Variants in BRINP2 observed in about 807,000 individuals in gnomAD.
BRINP2 encodes BMP/retinoic acid-inducible neural-specific protein 2.
BRINP2 carries 21 observed loss-of-function variants against 69.2 expected under a neutral mutation model. The ratio of observed to expected loss-of-function variants is 0.30; its 90% CI spans 0.22 to 0.44. The LOEUF (loss-of-function observed/expected upper bound fraction) is 0.44. Among genes scored for constraint, BRINP2 ranks in the 20% least tolerant of loss-of-function variants. The pLI, the probability that BRINP2 is intolerant of heterozygous loss-of-function variation, is 1.00. For missense variants in BRINP2, 877 were observed against 986.0 expected (o/e 0.89, Z 1.48); for synonymous variants, 380 against 394.1 (o/e 0.96, Z 0.42).
intron 4 of BRINP2, among the ~76,000 whole-genome samples, 188 bp from the exon 5 acceptor site, chr1:177,273,300 A>C (rs1436914232): frequency 6.6e-6 from 1 of 152,208 alleles, no homozygotes; most frequent in East Asian, 1.9e-4. Flanking sequence ...TATATGTAAC[A>C]GATACTCACT....
chr1:177,174,931 C>T lies in BRINP2; in HGVS notation c.-77+3199C>T, dbSNP rs921616807. Among the ~76,000 whole-genome samples, 27 of 152,164 alleles carry T rather than the reference C, an allele frequency of 1.8e-4. 2 individuals carry two copies. Among genetic ancestry groups the T allele is most frequent in the Non-Finnish European group, 1.5e-5 (1 of 68,044 alleles). On this transcript the variant is annotated intron_variant, in intron 1 of 7. Transcript: ENST00000361539. Reference sequence around the variant, plus strand: ...TATATATTGTGGGAAAAGTATTGCTCAACCTCAGAGAGCTTATCAACATGA... The same window carrying T: ...TATATATTGTGGGAAAAGTATTGCTTAACCTCAGAGAGCTTATCAACATGA...
intron 4 of BRINP2, 60 bp from the exon 5 acceptor site, chr1:177,273,428 A>T (rs879405527): frequency 9.0e-6 from 10 of 1,111,194 alleles, no homozygotes; most frequent in Admixed American, 2.1e-5. Context: ...TGGAGAAGGG[A>T]AGTATAAAGG....
intron 5 of BRINP2, among the ~76,000 whole-genome samples, chr1:177,274,934 T>C (rs371707659): frequency 1.3e-5 from 2 of 152,338 alleles, no homozygotes; most frequent in Admixed American, 6.5e-5. Context: ...TTTTGAGGTC[T>C]GCTGAGACTG....
At chr1:177,279,293 A>G (rs1475341441) in intron 7 of BRINP2, among the ~76,000 whole-genome samples, 1 of 152,250 alleles carries the variant, frequency 6.6e-6, no homozygotes, top group Non-Finnish European at 1.5e-5. Flanking sequence ...TTGAATCCGT[A>G]TTCCATGCCT....
At chr1:177,217,897 G>T (rs1001842797) in intron 1 of BRINP2, among the ~76,000 whole-genome samples, 32 of 152,204 alleles carry the variant, frequency 2.1e-4, no homozygotes, top group African/African-American at 7.5e-4. Flanking sequence ...GGGCCACAGG[G>T]TGTAATTCCC....
Position 177,276,209 on chromosome 1 carries a change from C to A in BRINP2, c.787C>A (p.Leu263Met). Residue 263 changes from leucine to methionine, a missense_variant, in exon 6 of 8, where the codon CTG becomes ATG. Physicochemically the swap from Leu to Met is conservative, Grantham distance 15. Around this residue, in one of 3 missense-constraint regions of BRINP2, gnomAD observed 566 missense variants for 625.2 expected, o/e 0.91. Coordinates refer to ENST00000361539, the MANE Select transcript of BRINP2 (RefSeq NM_021165.4). ...NKVQLLGLQV[L>M]LPEYLRERFV... ...CATCCTTTCCCCAGGCCTTCAGGTG[C>A]TGCTGCCTGAGTATCTGCGTGAGCG... 6.2e-7 allele frequency: 1 copy of A among 1,612,138 alleles called. No individual in the cohort carries two copies. Among genetic ancestry groups the A allele is most frequent in the Non-Finnish European group, 8.5e-7 (1 of 1,178,394 alleles).
chr1:177,185,855 T>C (rs552419245), intron 1 of BRINP2, among the ~76,000 whole-genome samples: 1 of 152,320 alleles, frequency 6.6e-6, no homozygotes, highest in South Asian at 2.1e-4. Flanking sequence ...TGGAAATTAC[T>C]GCCAGTGAGG....
chr1:177,208,104 TA>T (rs1649116715), intron 1 of BRINP2, among the ~76,000 whole-genome samples: 1 of 152,190 alleles, frequency 6.6e-6, no homozygotes, highest in Non-Finnish European at 1.5e-5. Context: ...TCCTCATCCA[TA>T]AAAAGAATCT....
intron 1 of BRINP2, among the ~76,000 whole-genome samples, chr1:177,198,599 G>A (rs1648813387): frequency 6.6e-6 from 1 of 152,098 alleles, no homozygotes. Context: ...TAAAAAATGG[G>A]CAAAGGAAAA....
rs1650267064 is a variant in BRINP2 at position 177,243,401 on chromosome 1, C to T, written c.270-12518C>T. Among the ~76,000 whole-genome samples, 3 of 152,128 alleles carry T rather than the reference C, an allele frequency of 2.0e-5. No homozygotes were observed. The South Asian group carries it at 6.2e-4, about 32-fold the overall frequency. ...CTCCCTGTAGAGCACGACTCACACA[C>T]CAAGATCCCACAGCATAAAAGACAA... On this transcript the variant is annotated intron_variant, in intron 2 of 7. Transcript: ENST00000361539.
chr1:177,203,511 G>A (rs1648982277), intron 1 of BRINP2, among the ~76,000 whole-genome samples: 1 of 151,028 alleles, frequency 6.6e-6, no homozygotes, highest in Non-Finnish European at 1.5e-5. Context: ...AAAACATTTA[G>A]GACAAACAAA....
chr1:177,278,732 C>G lies in BRINP2; in HGVS notation c.1182C>G (p.Phe394Leu). The G allele has an allele frequency of 6.2e-7, 1 of 1,614,198 alleles. No individual in the cohort carries two copies. The highest frequency in any genetic ancestry group is 8.5e-7 in the Non-Finnish European group (1 of 1,180,042). The change falls in exon 7 of 8, where the codon TTC becomes TTG. Residue 394 changes from phenylalanine (F) to leucine (L), a missense_variant. Physicochemically the swap from Phe to Leu is conservative, Grantham distance 22. Coordinates refer to ENST00000361539, the MANE Select transcript of BRINP2 (RefSeq NM_021165.4). Reference protein sequence around the residue: ...KKTHRILRRLFNLCKRCHRQP... With the variant: ...KKTHRILRRLLNLCKRCHRQP... Reference sequence around the variant, plus strand: ...CCCATCGGATCCTACGCCGGCTCTTCAACCTCTGCAAGCGCTGCCATCGCC... The same window carrying G: ...CCCATCGGATCCTACGCCGGCTCTTGAACCTCTGCAAGCGCTGCCATCGCC...
intron 2 of BRINP2, among the ~76,000 whole-genome samples, chr1:177,245,632 G>A (rs1262303150): frequency 1.3e-5 from 2 of 152,174 alleles, no homozygotes; most frequent in Non-Finnish European, 2.9e-5. Flanking sequence ...GAGATGCTGG[G>A]GAGCAGTTTG....
chr1:177,280,890 T>C lies in BRINP2; in HGVS notation c.1714T>C (p.Leu572=), dbSNP rs1178701197. 6.2e-7 allele frequency: 1 copy of C among 1,614,074 alleles called. No homozygotes were observed. Among genetic ancestry groups the C allele is most frequent in the African/African-American group, 1.3e-5 (1 of 74,944 alleles). The stretch of plus-strand genomic sequence containing the variant: ...GGTGCACGTGATGTTGGCCTTGTCC[T>C]TGCAGATCTGTCTCACCAAGAACAG... The part of the protein sequence containing the change: ...GLVHVMLALS[L]QICLTKNSTL... Residue 572 remains leucine (L), a synonymous_variant, in exon 8 of 8, where the codon TTG becomes CTG. Coordinates refer to ENST00000361539, the MANE Select transcript of BRINP2 (RefSeq NM_021165.4).
chr1:177,262,333 G>A (rs577896265), intron 4 of BRINP2, among the ~76,000 whole-genome samples: 10 of 152,192 alleles, frequency 6.6e-5, no homozygotes, highest in Admixed American at 1.3e-4. Context: ...CCAACATGGT[G>A]AAACCCCATC....
At chr1:177,261,440 T>C (rs1239932373) in intron 4 of BRINP2, among the ~76,000 whole-genome samples, 1 of 152,166 alleles carries the variant, frequency 6.6e-6, no homozygotes, top group Non-Finnish European at 1.5e-5. Flanking sequence ...GGAATAAAGA[T>C]TTACTGCAAG....
At chr1:177,201,455 T>A (rs928233675) in intron 1 of BRINP2, among the ~76,000 whole-genome samples, 1 of 152,244 alleles carries the variant, frequency 6.6e-6, no homozygotes, top group Admixed American at 6.5e-5. Context: ...TGCCTGTCAC[T>A]GGAAGTCAAA....
chr1:177,256,528 T>C (rs978598319), intron 3 of BRINP2: 7 of 985,434 alleles, frequency 7.1e-6, no homozygotes, highest in East Asian at 2.3e-4. Context: ...GATTGGAAAC[T>C]GTCCAAACCA....
At chr1:177,228,960 GGT>G (rs1649782089) in intron 1 of BRINP2, among the ~76,000 whole-genome samples, 1 of 152,202 alleles carries the variant, frequency 6.6e-6, no homozygotes, top group South Asian at 2.1e-4. Context: ...CTTCAAGAAT[GGT>G]GTGTGAAGAT....
Sources: gnomAD v4.1 joint callset for allele counts (sites outside exome capture counted in the v4.1 genomes callset) on GRCh38, gnomAD v4.1.1 for gene constraint, gnomAD v4.1.1 regional missense constraint, MANE v1.5 for transcripts, NCBI Gene and HGNC (gene_info 2026-07-23, HGNC 2026-07-21) for gene names.